GABRB1: variants seen among roughly 807,000 people sequenced by gnomAD.
GABRB1 encodes gamma-aminobutyric acid type A receptor subunit beta1.
In GABRB1, 17 loss-of-function variants were observed where a neutral mutation model predicts 51.6. The observed-to-expected ratio is 0.33, with a 90% confidence interval of 0.23 to 0.49. GABRB1 has a LOEUF of 0.49. GABRB1 is among the 20% of genes least tolerant of loss of function. The pLI, the probability that GABRB1 is intolerant of heterozygous loss-of-function variation, is 0.99. For synonymous variants in GABRB1, 247 were observed against 218.9 expected (o/e 1.13, Z -1.14); for missense variants, 410 against 600.6 (o/e 0.68, Z 3.32).
chr4:47,384,599 T>G (rs1318725578), intron 5 of GABRB1, among the ~76,000 whole-genome samples: 1 of 152,156 alleles, frequency 6.6e-6, no homozygotes, highest in African/African-American at 2.4e-5. Context: ...GAAATTAAAT[T>G]AGGTAAATAA....
chr4:47,229,167 G>A (rs1390823796), intron 4 of GABRB1, among the ~76,000 whole-genome samples: 1 of 152,240 alleles, frequency 6.6e-6, no homozygotes, highest in African/African-American at 2.4e-5. Flanking sequence ...GGAGACTTAA[G>A]TGAGCTAAAT....
At chr4:47,081,432 C>G (rs543727018) in intron 3 of GABRB1, among the ~76,000 whole-genome samples, 3 of 152,300 alleles carry the variant, frequency 2.0e-5, no homozygotes, top group Admixed American at 6.5e-5. Flanking sequence ...ACAATAGTCT[C>G]TGAATTGCCA....
In GABRB1 at chr4:47,320,132, C is replaced by T; in HGVS notation, c.467C>T (p.Thr156Ile). 1 of 1,595,152 alleles carries T rather than the reference C, an allele frequency of 6.3e-7. No individual in the cohort carries two copies. Among genetic ancestry groups the T allele is most frequent in the Non-Finnish European group, 8.6e-7 (1 of 1,162,658 alleles). The stretch of plus-strand genomic sequence containing the variant: ...TTCTCTCTCCTCTCTATCAGAATCA[C>T]AACCACAGCTGCATGTATGATGGAT... ...DGTVLYGLRI[T>I]TTAACMMDLR... Residue 156 changes from threonine (T) to isoleucine (I), a missense_variant, in exon 5 of 9, where the codon ACA becomes ATA. Physicochemically the swap from Thr to Ile is moderately conservative, Grantham distance 89. Coordinates refer to ENST00000295454, the MANE Select transcript of GABRB1 (RefSeq NM_000812.4).
chr4:47,323,433 T>C (rs1725151555), intron 5 of GABRB1, among the ~76,000 whole-genome samples: 1 of 152,074 alleles, frequency 6.6e-6, no homozygotes, highest in Non-Finnish European at 1.5e-5. Context: ...ATCAATATGT[T>C]GCTAGGTTTT....
intron 5 of GABRB1, among the ~76,000 whole-genome samples, chr4:47,325,809 T>C (rs1725238555): frequency 6.6e-6 from 1 of 152,172 alleles, no homozygotes. Context: ...TTATTCTCTT[T>C]CAAAATTCTT....
At chr4:47,060,234 A>G (rs1228611728) in intron 3 of GABRB1, among the ~76,000 whole-genome samples, 1 of 152,202 alleles carries the variant, frequency 6.6e-6, no homozygotes, top group Non-Finnish European at 1.5e-5. Flanking sequence ...ACAATCTATA[A>G]ACCTTATACA....
intron 4 of GABRB1, among the ~76,000 whole-genome samples, chr4:47,225,201 T>C (rs771013257): frequency 2.6e-5 from 4 of 152,050 alleles, no homozygotes; most frequent in Non-Finnish European, 5.9e-5. Flanking sequence ...TGTTGGAGTG[T>C]TGAGGTATTA....
At chr4:47,264,874 G>A (rs142970441) in intron 4 of GABRB1, among the ~76,000 whole-genome samples, 1 of 152,210 alleles carries the variant, frequency 6.6e-6, no homozygotes, top group East Asian at 1.9e-4. Flanking sequence ...AAATGAGTTT[G>A]CATTTTCTAG....
chr4:47,217,205 G>A (rs1025186436), intron 4 of GABRB1, among the ~76,000 whole-genome samples: 2 of 151,732 alleles, frequency 1.3e-5, no homozygotes, highest in African/African-American at 4.8e-5. Context: ...AGAAATGGAA[G>A]AATAGCAATG....
intron 5 of GABRB1, among the ~76,000 whole-genome samples, chr4:47,396,364 C>T (rs2110043859): frequency 6.6e-6 from 1 of 152,164 alleles, no homozygotes; most frequent in Admixed American, 6.5e-5. Context: ...CAACATGAAG[C>T]AATTATGGGA....
intron 5 of GABRB1, among the ~76,000 whole-genome samples, chr4:47,364,497 T>C (rs1449274449): frequency 6.7e-6 from 1 of 150,264 alleles, no homozygotes; most frequent in African/African-American, 2.4e-5. Flanking sequence ...AGAATAAAGT[T>C]GAGAATAAAA....
chr4:47,115,995 A>T (rs550210802), intron 3 of GABRB1, among the ~76,000 whole-genome samples: 61 of 152,300 alleles, frequency 4.0e-4, no homozygotes, highest in Non-Finnish European at 7.8e-4. Flanking sequence ...GGACAACCTC[A>T]GAATATTTTC....
At chr4:47,278,052 G>A (rs1187257884) in intron 4 of GABRB1, among the ~76,000 whole-genome samples, 1 of 151,986 alleles carries the variant, frequency 6.6e-6, no homozygotes, top group African/African-American at 2.4e-5. Context: ...CCTTATATTT[G>A]GAGAGACAAG....
At chr4:47,179,968 G>C (rs948456478) in intron 4 of GABRB1, among the ~76,000 whole-genome samples, 9 of 152,212 alleles carry the variant, frequency 5.9e-5, no homozygotes, top group Non-Finnish European at 1.3e-4. Flanking sequence ...CTATTTAGGA[G>C]GCTGAGGCAG....
At chr4:47,355,183 TG>T (rs1371732513) in intron 5 of GABRB1, among the ~76,000 whole-genome samples, 1 of 151,974 alleles carries the variant, frequency 6.6e-6, no homozygotes, top group East Asian at 1.9e-4. Context: ...GGTTTCACCA[TG>T]TTGACCAGGC....
At chr4:47,113,376 A>ACTT (rs1334578010) in intron 3 of GABRB1, among the ~76,000 whole-genome samples, 3 of 132,502 alleles carry the variant, frequency 2.3e-5, no homozygotes, top group Non-Finnish European at 4.6e-5. Flanking sequence ...ACAGAGTGAG[A>ACTT]CTTCGTCTCC....
intron 4 of GABRB1, among the ~76,000 whole-genome samples, chr4:47,309,358 GAAT>G (rs1397898351): frequency 6.6e-6 from 1 of 152,014 alleles, no homozygotes; most frequent in African/African-American, 2.4e-5. Context: ...CAACAGAAGT[GAAT>G]AATAATGGGC....
At chr4:47,272,000 T>TA (rs11450266) in intron 4 of GABRB1, among the ~76,000 whole-genome samples, 133,408 of 152,084 alleles carry the variant, frequency 0.88, 58,688 homozygotes, top group East Asian at 0.98. Flanking sequence ...TACACATTAA[T>TA]AACTTTGTTA....
intron 3 of GABRB1, among the ~76,000 whole-genome samples, chr4:47,060,819 C>T (rs1215929758): frequency 5.3e-5 from 8 of 152,222 alleles, no homozygotes; most frequent in East Asian, 3.9e-4. Context: ...GATGAATGTA[C>T]GGTGTTGACC....
Sources: allele counts gnomAD v4.1 joint callset (sites outside exome capture counted in the v4.1 genomes callset), GRCh38; gene constraint gnomAD v4.1.1; transcripts MANE v1.5; gene names NCBI Gene and HGNC (gene_info 2026-07-23, HGNC 2026-07-21).